Variants in PRKN observed in about 807,000 individuals in gnomAD.
PRKN encodes the protein E3 ubiquitin-protein ligase parkin.
Under a neutral mutation model 59.5 loss-of-function variants are expected in PRKN, and 56 were observed. The observed-to-expected ratio is 0.94, with a 90% CI of 0.76 to 1.18. The LOEUF (loss-of-function observed/expected upper bound fraction) is 1.18. Among genes scored for constraint, PRKN ranks in the 50% most tolerant of loss-of-function variants. PRKN has a pLI of 0.00. For missense variants in PRKN, 657 were observed against 596.4 expected (o/e 1.10, Z -1.06); for synonymous variants, 250 against 222.1 (o/e 1.13, Z -1.12).
chr6:161,510,642 T>C (rs1778349992), intron 9 of PRKN, among the ~76,000 whole-genome samples: 1 of 152,226 alleles, frequency 6.6e-6, no homozygotes, highest in Non-Finnish European at 1.5e-5. Context: ...AGCAAAGCTA[T>C]TTGCATAAGT....
intron 7 of PRKN, among the ~76,000 whole-genome samples, chr6:161,670,180 A>C (rs1784858444): frequency 6.6e-6 from 1 of 152,176 alleles, no homozygotes; most frequent in Non-Finnish European, 1.5e-5. Context: ...TCCGGGTACT[A>C]TCCTCTGTGC....
In PRKN at chr6:161,597,609, A is replaced by ACTCTCT. The variant is rs369845601; in HGVS notation, c.872-28199_872-28194dup. Among the ~76,000 whole-genome samples, 221 of 149,320 alleles carry ACTCTCT rather than the reference A, an allele frequency of 1.5e-3. 3 individuals carry two copies. The highest frequency in any genetic ancestry group is 4.9e-3 in the South Asian group (23 of 4,740). The stretch of plus-strand genomic sequence containing the variant: ...CCTGCCTTGCTGCCCTCCACCCCCG[A>ACTCTCT]CTCTCTCTCTCTCTCTCTGGAGTGG... On this transcript the variant is annotated intron_variant, in intron 7 of 11. Transcript: ENST00000366898.
At chr6:162,288,405 G>C (rs1286397243) in intron 2 of PRKN, among the ~76,000 whole-genome samples, 1 of 152,092 alleles carries the variant, frequency 6.6e-6, no homozygotes, top group Non-Finnish European at 1.5e-5. Context: ...GGAGAGGGGG[G>C]TTTTCAGATA....
intron 4 of PRKN, among the ~76,000 whole-genome samples, chr6:162,144,841 G>C (rs1392704996): frequency 6.6e-6 from 1 of 152,114 alleles, no homozygotes; most frequent in Non-Finnish European, 1.5e-5. Context: ...AACCACATTT[G>C]CTCCTTATCT....
chr6:162,576,424 C>A (rs565491274), intron 1 of PRKN, among the ~76,000 whole-genome samples: 100 of 152,200 alleles, frequency 6.6e-4, no homozygotes, highest in African/African-American at 2.3e-3. Context: ...AAGGGGTGGG[C>A]AATAGACACA....
intron 3 of PRKN, among the ~76,000 whole-genome samples, chr6:162,247,549 T>C (rs1368380018): frequency 6.6e-6 from 1 of 152,292 alleles, no homozygotes; most frequent in African/African-American, 2.4e-5. Flanking sequence ...AGGGGGAAAA[T>C]GATCTCATAA....
At position 161,417,072 on chromosome 6, in the gene PRKN, A is replaced by C. The variant is rs1251103008; in HGVS notation, c.1084-30195T>G. ...CTAGCTCATGCTCACCCCTCATTCAAGCTCCAGACCTGGGCCAAGAGCAAG... is the reference window on the plus strand; with the variant it reads ...CTAGCTCATGCTCACCCCTCATTCACGCTCCAGACCTGGGCCAAGAGCAAG... On this transcript the variant is annotated intron_variant, in intron 9 of 11. Coordinates refer to ENST00000366898, the MANE Select transcript of PRKN (RefSeq NM_004562.3). This position sits in a 1 kb window ranked among gnomAD's most constrained non-coding sequence, Gnocchi z 5.4. Among the ~76,000 whole-genome samples the C allele has an allele frequency of 6.6e-6, 1 of 152,152 alleles. No individual in the cohort carries two copies. Among genetic ancestry groups the C allele is most frequent in the Admixed American group, 6.6e-5 (1 of 15,262 alleles).
chr6:162,721,025 A>G (rs545805252), intron 1 of PRKN, among the ~76,000 whole-genome samples: 1 of 152,364 alleles, frequency 6.6e-6, no homozygotes, highest in Admixed American at 6.5e-5. Context: ...AAAAATAAGA[A>G]CTTTTTAAAA....
At chr6:162,548,743 A>C (rs1196278020) in intron 1 of PRKN, among the ~76,000 whole-genome samples, 2 of 152,202 alleles carry the variant, frequency 1.3e-5, no homozygotes, top group Non-Finnish European at 2.9e-5. Context: ...GAACGAGTCT[A>C]ATAATGACAC....
intron 2 of PRKN, among the ~76,000 whole-genome samples, chr6:162,272,558 G>T (rs1780441844): frequency 6.6e-6 from 1 of 152,070 alleles, no homozygotes; most frequent in Non-Finnish European, 1.5e-5. Flanking sequence ...GCACGTCGGG[G>T]AGGTCAGCAC....
intron 7 of PRKN, among the ~76,000 whole-genome samples, chr6:161,629,547 T>G (rs373318870): frequency 7.9e-5 from 12 of 152,124 alleles, no homozygotes; most frequent in African/African-American, 2.7e-4. Flanking sequence ...GAAGTCAGAT[T>G]ATCCAGTGGT....
At chr6:162,315,826 A>T (rs1282839358) in intron 2 of PRKN, among the ~76,000 whole-genome samples, 1 of 152,216 alleles carries the variant, frequency 6.6e-6, no homozygotes, top group African/African-American at 2.4e-5. Context: ...AAGATCATTT[A>T]GTCCAAATCT....
intron 6 of PRKN, among the ~76,000 whole-genome samples, chr6:161,933,106 C>T (rs780688664): frequency 3.9e-5 from 6 of 152,004 alleles, no homozygotes; most frequent in Non-Finnish European, 8.8e-5. Flanking sequence ...ATGGTGAAAG[C>T]CCATCTCTAC....
intron 6 of PRKN, among the ~76,000 whole-genome samples, chr6:161,939,096 A>C (rs1174082514): frequency 2.6e-5 from 4 of 152,282 alleles, no homozygotes; most frequent in African/African-American, 9.6e-5. Flanking sequence ...AACCAACTTC[A>C]ATCCAGGACT....
intron 6 of PRKN, among the ~76,000 whole-genome samples, chr6:161,814,187 A>G (rs747230843): frequency 6.6e-6 from 1 of 152,126 alleles, no homozygotes; most frequent in Non-Finnish European, 1.5e-5. Context: ...CTCTTATTCA[A>G]GCATTGTGCT....
intron 5 of PRKN, among the ~76,000 whole-genome samples, chr6:162,024,194 C>CTTTTTTTTTT (rs111595639): frequency 1.2e-5 from 1 of 82,060 alleles, no homozygotes; most frequent in Non-Finnish European, 2.1e-5. Flanking sequence ...TCCCCCAACC[C>CTTTTTTTTTT]TTTTTTTTTT....
chr6:161,535,294 C>T (rs1779370947), intron 9 of PRKN, among the ~76,000 whole-genome samples: 1 of 151,882 alleles, frequency 6.6e-6, no homozygotes, highest in Non-Finnish European at 1.5e-5. Flanking sequence ...CCTGGGAATA[C>T]GGAAAGTGAA....
At chr6:161,412,631 G>C (rs1174402094) in intron 9 of PRKN, among the ~76,000 whole-genome samples, 5 of 96,450 alleles carry the variant, frequency 5.2e-5, no homozygotes, top group Non-Finnish European at 1.0e-4. Context: ...CTCATTCCTC[G>C]GCTCACTCAT....
chr6:162,321,815 T>C (rs922372645), intron 2 of PRKN, among the ~76,000 whole-genome samples: 1 of 152,012 alleles, frequency 6.6e-6, no homozygotes, highest in Non-Finnish European at 1.5e-5. Flanking sequence ...GTCTGTCTTA[T>C]ACAGTCCCAC....
Sources: gnomAD v4.1 joint callset for allele counts (sites outside exome capture counted in the v4.1 genomes callset) on GRCh38, gnomAD v4.1.1 for gene constraint, Gnocchi (gnomAD v3.1) non-coding constraint, MANE v1.5 for transcripts, NCBI Gene and HGNC (gene_info 2026-07-23, HGNC 2026-07-21) for gene names.